The following RAB38 variants were observed in gnomAD, a reference collection of about 807,000 sequenced individuals.
RAB38 encodes ras-related protein Rab-38.
RAB38 carries 15 observed loss-of-function variants against 18.4 expected under a neutral mutation model. That is an observed-to-expected ratio of 0.82 (90% confidence interval 0.55 to 1.26). The LOEUF is 1.26. RAB38 is among the 50% of genes most tolerant of loss of function. RAB38 has a pLI of 0.00. For synonymous variants in RAB38, 101 were observed against 104.4 expected (o/e 0.97, Z 0.20); for missense variants, 294 against 267.4 (o/e 1.10, Z -0.69).
chr11:88,032,394 C>T, the RAB38 span, among the ~76,000 whole-genome samples: 5 of 152,184 alleles, frequency 3.3e-5, no homozygotes, highest in African/African-American at 1.2e-4. Context: ...TCTAATTAAA[C>T]TTAAGAGCTT....
the RAB38 span, among the ~76,000 whole-genome samples, chr11:88,051,849 C>T: frequency 6.0e-4 from 92 of 152,232 alleles, no homozygotes; most frequent in South Asian, 1.7e-3. Context: ...AAGGGCTGGG[C>T]GCAGTGGCTC....
chr11:88,035,285 T>C, the RAB38 span, among the ~76,000 whole-genome samples: 1 of 152,224 alleles, frequency 6.6e-6, no homozygotes, highest in African/African-American at 2.4e-5. Flanking sequence ...TAGTTAATGC[T>C]TTTTCTTCAC....
At chr11:87,869,701 ATTGT>A in the RAB38 span, among the ~76,000 whole-genome samples, 2 of 151,614 alleles carry the variant, frequency 1.3e-5, no homozygotes, top group East Asian at 1.9e-4. Context: ...TAACATTGTA[ATTGT>A]TTGTTTGTAT....
the RAB38 span, among the ~76,000 whole-genome samples, chr11:88,009,485 A>G: frequency 6.6e-6 from 1 of 152,218 alleles, no homozygotes; most frequent in Non-Finnish European, 1.5e-5. Context: ...TAAATCTTCC[A>G]CTTATCCTGC....
chr11:88,043,069 C>A, the RAB38 span, among the ~76,000 whole-genome samples: 1 of 152,006 alleles, frequency 6.6e-6, no homozygotes, highest in Non-Finnish European at 1.5e-5. Flanking sequence ...AGAGCCTATG[C>A]AAACGTAACA....
At chr11:88,159,958 C>CA (rs945290537) in intron 1 of RAB38, among the ~76,000 whole-genome samples, 8 of 151,886 alleles carry the variant, frequency 5.3e-5, no homozygotes, top group African/African-American at 1.9e-4. Context: ...GCAATTGCAA[C>CA]AAAAACAAAA....
chr11:87,943,108 A>C, the RAB38 span, among the ~76,000 whole-genome samples: 3 of 151,848 alleles, frequency 2.0e-5, no homozygotes, highest in African/African-American at 4.8e-5. Flanking sequence ...GGAAATTTAC[A>C]ATACCCCATG....
the RAB38 span, among the ~76,000 whole-genome samples, chr11:88,102,500 T>C: frequency 1.3e-5 from 2 of 152,116 alleles, no homozygotes; most frequent in East Asian, 1.9e-4. Context: ...TGATTTCACA[T>C]TGACCACAAT....
the RAB38 span, among the ~76,000 whole-genome samples, chr11:87,883,206 A>G: frequency 6.6e-6 from 1 of 151,894 alleles, no homozygotes; most frequent in Non-Finnish European, 1.5e-5. Context: ...TCTCCAAATA[A>G]ACCTCCATCC....
chr11:87,890,789 AT>A, the RAB38 span, among the ~76,000 whole-genome samples: 1 of 151,992 alleles, frequency 6.6e-6, no homozygotes, highest in African/African-American at 2.4e-5. Context: ...TTCAAGAAAA[AT>A]TTGATTCATT....
chr11:88,023,977 T>C, the RAB38 span, among the ~76,000 whole-genome samples: 1 of 152,106 alleles, frequency 6.6e-6, no homozygotes, highest in Non-Finnish European at 1.5e-5. Flanking sequence ...TCCAGGACAT[T>C]GATCTGGGCA....
chr11:88,095,941 T>C, the RAB38 span, among the ~76,000 whole-genome samples: 3 of 151,908 alleles, frequency 2.0e-5, no homozygotes, highest in Admixed American at 6.6e-5. Context: ...CCTCATCCAC[T>C]GCTACCCTGG....
chr11:87,857,747 G>T, the RAB38 span, among the ~76,000 whole-genome samples: 1 of 152,080 alleles, frequency 6.6e-6, no homozygotes, highest in Admixed American at 6.6e-5. Flanking sequence ...TGAGTTCTTT[G>T]TAGATTCTGG....
At position 88,117,923 on chromosome 11, in the gene RAB38, C is replaced by T. The variant is rs1334615143; in HGVS notation, c.484-3783G>A. Among the ~76,000 whole-genome samples the T allele has an allele frequency of 2.6e-5, 4 of 152,192 alleles. 1 individual carries two copies. The South Asian group carries it at 6.2e-4, about 24-fold the overall frequency. On this transcript the variant is annotated intron_variant, in intron 2 of 2. Transcript: ENST00000243662. ...ATACAAGTTAACCATCAGAAGAACA[C>T]AATGTGTGTGTGCCTTCCATTCCTT...
the RAB38 span, among the ~76,000 whole-genome samples, chr11:87,949,920 A>G: frequency 1.1e-4 from 17 of 152,200 alleles, no homozygotes; most frequent in South Asian, 2.1e-4. Flanking sequence ...TTGGTGCAGA[A>G]CTGAGTTCAA....
At chr11:88,153,489 C>T (rs375755169) in intron 1 of RAB38, among the ~76,000 whole-genome samples, 2 of 152,346 alleles carry the variant, frequency 1.3e-5, no homozygotes, top group South Asian at 2.1e-4. Context: ...CTCCTCTCCC[C>T]CAGCACTGCT....
the RAB38 span, among the ~76,000 whole-genome samples, chr11:88,024,067 C>G: frequency 6.6e-6 from 1 of 151,954 alleles, no homozygotes; most frequent in African/African-American, 2.4e-5. Flanking sequence ...ACCTAAAAAG[C>G]TTTTACATAG....
At chr11:88,098,808 A>G in the RAB38 span, 244 of 152,006 alleles carry the variant, frequency 1.6e-3, no homozygotes, top group African/African-American at 5.6e-3. Flanking sequence ...AAGGCATCCT[A>G]TATGTTGCTT....
At chr11:87,875,537 CTT>C in the RAB38 span, among the ~76,000 whole-genome samples, 1 of 151,384 alleles carries the variant, frequency 6.6e-6, no homozygotes, top group Non-Finnish European at 1.5e-5. Flanking sequence ...TTGATTCAGA[CTT>C]AGTGAAATCT....
Sources: allele counts gnomAD v4.1 joint callset (sites outside exome capture counted in the v4.1 genomes callset), GRCh38; gene constraint gnomAD v4.1.1; transcripts MANE v1.5; gene names NCBI Gene and HGNC (gene_info 2026-07-23, HGNC 2026-07-21).